CACNA1D: variants seen among roughly 807,000 people sequenced by gnomAD.
CACNA1D encodes the protein calcium voltage-gated channel subunit alpha1 D.
Under a neutral mutation model 257.1 loss-of-function variants are expected in CACNA1D, and 55 were observed. That is an observed-to-expected ratio of 0.21 (90% CI 0.17 to 0.27). The LOEUF is 0.27. CACNA1D is among the 10% of genes least tolerant of loss of function. CACNA1D has a pLI of 1.00. For missense variants in CACNA1D, 1,876 were observed against 2,784.0 expected (o/e 0.67, Z 7.34); for synonymous variants, 980 against 1,014.9 (o/e 0.97, Z 0.65).
Position 53,774,529 on chromosome 3 carries a change from C to A in CACNA1D, c.4111-58C>A, listed in dbSNP as rs554930395. 3.9e-6 allele frequency: 4 copies of A among 1,034,944 alleles called. No individual in the cohort carries two copies. The East Asian group carries it at 9.5e-5, about 24-fold the overall frequency. 64.1% of individuals were successfully genotyped at this position (1,034,944 alleles called of 1,614,324 possible). A position where few individuals can be genotyped will look rare whatever the true frequency, so the allele number is the denominator to read the frequency against. On this transcript the variant is annotated intron_variant, in intron 33 of 47. Coordinates refer to ENST00000350061, the MANE Select transcript of CACNA1D (RefSeq NM_001128840.3). This position sits in a 1 kb window ranked among gnomAD's most constrained non-coding sequence, Gnocchi z 4.3. The stretch of plus-strand genomic sequence containing the variant: ...CCTGAGTTAGTTCTAAATTCACATA[C>A]GGATTTTTTTTGCATGACGAAATCT...
At chr3:53,512,596 T>C (rs1416651207) in intron 3 of CACNA1D, among the ~76,000 whole-genome samples, 1 of 152,138 alleles carries the variant, frequency 6.6e-6, no homozygotes, top group Non-Finnish European at 1.5e-5. Context: ...ACGAACCGCA[T>C]GGGGATGTAG....
At chr3:53,742,696 G>A (rs992776794) in intron 21 of CACNA1D, among the ~76,000 whole-genome samples, 3 of 152,212 alleles carry the variant, frequency 2.0e-5, no homozygotes, top group African/African-American at 7.2e-5. Context: ...ACCTTTTGAC[G>A]AATGTAGTCC....
At position 53,648,749 on chromosome 3, in the gene CACNA1D, G is replaced by C. The variant is rs3774514; in HGVS notation, c.484-2030G>C. On this transcript the variant is annotated intron_variant, in intron 3 of 47. Coordinates refer to ENST00000350061, the MANE Select transcript of CACNA1D (RefSeq NM_001128840.3). The stretch of plus-strand genomic sequence containing the variant: ...AACAGGACTGGTCTGAAGTCTAGAG[G>C]GGGCATGAGTATAGAGGTTGGAGAT... Among the ~76,000 whole-genome samples, 8 of 151,824 alleles carry C rather than the reference G, an allele frequency of 5.3e-5. No individual in the cohort carries two copies. The East Asian group carries it at 1.5e-3, about 29-fold the overall frequency.
chr3:53,608,611 G>A (rs926754617), intron 3 of CACNA1D, among the ~76,000 whole-genome samples: 53 of 152,170 alleles, frequency 3.5e-4, no homozygotes, highest in African/African-American at 1.2e-3. Flanking sequence ...CTAGCTGTGG[G>A]TTTGTTGCTG....
At chr3:53,548,514 A>T (rs1310947221) in intron 3 of CACNA1D, among the ~76,000 whole-genome samples, 1 of 152,112 alleles carries the variant, frequency 6.6e-6, no homozygotes, top group African/African-American at 2.4e-5. Context: ...AACATCCAAG[A>T]TTCTGCTGTG....
chr3:53,772,443 A>G (rs2095371463), intron 32 of CACNA1D, among the ~76,000 whole-genome samples: 1 of 152,226 alleles, frequency 6.6e-6, no homozygotes, highest in South Asian at 2.1e-4. Flanking sequence ...CCCACAAAAG[A>G]AAGTGGAAGT....
At chr3:53,788,962 T>C (rs1320402124) in intron 40 of CACNA1D, among the ~76,000 whole-genome samples, 1 of 152,064 alleles carries the variant, frequency 6.6e-6, no homozygotes, top group East Asian at 1.9e-4. Context: ...GGAAATAGTG[T>C]TTTGATGTTT....
intron 29 of CACNA1D, among the ~76,000 whole-genome samples, chr3:53,760,047 G>T (rs1465430038): frequency 6.6e-6 from 1 of 152,188 alleles, no homozygotes; most frequent in Non-Finnish European, 1.5e-5. Flanking sequence ...TGATAGATGG[G>T]CCAGGGAGGG....
At chr3:53,509,843 T>C (rs1451683876) in intron 3 of CACNA1D, among the ~76,000 whole-genome samples, 1 of 152,264 alleles carries the variant, frequency 6.6e-6, no homozygotes. Context: ...CAGGGATTCC[T>C]GCATAACATA....
chr3:53,536,905 T>C (rs2092130549), intron 3 of CACNA1D, among the ~76,000 whole-genome samples: 1 of 152,270 alleles, frequency 6.6e-6, no homozygotes, highest in Admixed American at 6.5e-5. Context: ...AGTTCTCCTA[T>C]GTGTTAACTG....
Position 53,805,337 on chromosome 3 carries a change from C to G in CACNA1D, c.5749+191C>G, listed in dbSNP as rs2095556979. ...CATCCATATCTCACGTGATAGAGCT[C>G]TAGCCTCTTCAGTGCTATGCTTGAC... is the stretch of plus-strand genomic sequence containing the variant. On this transcript the variant is annotated intron_variant, in intron 45 of 47. Coordinates refer to ENST00000350061, the MANE Select transcript of CACNA1D (RefSeq NM_001128840.3). 9.7e-6 allele frequency: 6 copies of G among 618,506 alleles called. No individual in the cohort carries two copies. In the East Asian group the frequency reaches 1.7e-4, roughly 17 times the overall value. The allele number at this position is 618,506 out of a possible 1,614,324, so 38.3% of individuals were successfully genotyped here. A position where few individuals can be genotyped will look rare whatever the true frequency, so the allele number is the denominator to read the frequency against.
intron 37 of CACNA1D, among the ~76,000 whole-genome samples, chr3:53,778,845 A>G (rs1167953760): frequency 1.3e-5 from 2 of 152,230 alleles, no homozygotes; most frequent in African/African-American, 4.8e-5. Context: ...GGCTCATGCA[A>G]AATGCCACAA....
chr3:53,525,742 A>G (rs1384637142), intron 3 of CACNA1D, among the ~76,000 whole-genome samples: 1 of 152,162 alleles, frequency 6.6e-6, no homozygotes, highest in Non-Finnish European at 1.5e-5. Flanking sequence ...CCTGACCTCA[A>G]GAAGCTCACA....
intron 3 of CACNA1D, among the ~76,000 whole-genome samples, chr3:53,599,842 G>A (rs9859951): frequency 0.48 from 73,262 of 152,058 alleles, 18,568 homozygotes; most frequent in African/African-American, 0.66. Context: ...ACCCACCACC[G>A]TCTTGGTGCA....
intron 11 of CACNA1D, 73 bp downstream of exon 11, chr3:53,719,854 T>C (rs1397282920): frequency 2.2e-6 from 3 of 1,337,770 alleles, no homozygotes; most frequent in Admixed American, 1.7e-5. Flanking sequence ...GAATTTTACG[T>C]AGTATTGCTC....
At chr3:53,691,891 T>C (rs1199487851) in intron 8 of CACNA1D, among the ~76,000 whole-genome samples, 2 of 104,674 alleles carry the variant, frequency 1.9e-5, no homozygotes, top group South Asian at 3.0e-4. Context: ...ATATATATTA[T>C]ATATATTACA....
intron 3 of CACNA1D, among the ~76,000 whole-genome samples, chr3:53,630,461 C>A (rs945155881): frequency 6.6e-6 from 1 of 152,208 alleles, no homozygotes; most frequent in African/African-American, 2.4e-5. Context: ...CTTTTGCACT[C>A]GTATCTCATT....
intron 18 of CACNA1D, among the ~76,000 whole-genome samples, chr3:53,732,349 G>A (rs1474136552): frequency 1.3e-5 from 2 of 152,212 alleles, no homozygotes; most frequent in Non-Finnish European, 2.9e-5. Flanking sequence ...AGGCCCCCCG[G>A]TGTTAGCGCT....
At chr3:53,498,121 G>A (rs79432209) in intron 2 of CACNA1D, among the ~76,000 whole-genome samples, 2 of 152,260 alleles carry the variant, frequency 1.3e-5, no homozygotes, top group East Asian at 1.9e-4. Context: ...CATTTGGAAC[G>A]TGAGCATGAG....
Sources: allele counts gnomAD v4.1 joint callset (sites outside exome capture counted in the v4.1 genomes callset), GRCh38; gene constraint gnomAD v4.1.1; non-coding constraint Gnocchi (gnomAD v3.1); transcripts MANE v1.5; gene names NCBI Gene and HGNC (gene_info 2026-07-23, HGNC 2026-07-21).